TMEM178B: variants seen among roughly 807,000 people sequenced by gnomAD.
TMEM178B encodes transmembrane protein 178B.
Under a neutral mutation model 31.0 loss-of-function variants are expected in TMEM178B, and 5 were observed. That is an observed-to-expected ratio of 0.16 (90% CI 0.08 to 0.34). TMEM178B has a LOEUF of 0.34. Among genes scored for constraint, TMEM178B ranks in the 10% least tolerant of loss-of-function variants. TMEM178B has a pLI of 1.00. For missense variants in TMEM178B, 275 were observed against 400.3 expected (o/e 0.69, Z 2.67); for synonymous variants, 164 against 164.0 (o/e 1.00, Z 0.00).
chr7:141,294,444 G>C (rs931755726), intron 2 of TMEM178B, among the ~76,000 whole-genome samples: 1 of 152,202 alleles, frequency 6.6e-6, no homozygotes, highest in East Asian at 1.9e-4. Context: ...AAGCAGGTCT[G>C]GCTGGACTAT....
At chr7:141,113,121 G>A (rs979524757) in intron 1 of TMEM178B, among the ~76,000 whole-genome samples, 6 of 152,222 alleles carry the variant, frequency 3.9e-5, no homozygotes, top group African/African-American at 7.2e-5. Context: ...AAGGATGAGA[G>A]TGAGAAAACT....
At chr7:141,458,116 G>A (rs1048075565) in intron 3 of TMEM178B, among the ~76,000 whole-genome samples, 3 of 152,106 alleles carry the variant, frequency 2.0e-5, no homozygotes, top group Non-Finnish European at 2.9e-5. Flanking sequence ...ATTACTTTTT[G>A]TTTGTTTGTT....
At chr7:141,330,378 T>C (rs1323468397) in intron 2 of TMEM178B, among the ~76,000 whole-genome samples, 3 of 152,212 alleles carry the variant, frequency 2.0e-5, no homozygotes, top group African/African-American at 7.2e-5. Flanking sequence ...ATATGGTGTT[T>C]GGTTTTCTGT....
At chr7:141,375,321 A>G (rs774263618) in intron 2 of TMEM178B, among the ~76,000 whole-genome samples, 12 of 152,212 alleles carry the variant, frequency 7.9e-5, no homozygotes, top group Non-Finnish European at 1.8e-4. Flanking sequence ...TGTCCCCATC[A>G]TTTCAGGGTC....
intron 1 of TMEM178B, among the ~76,000 whole-genome samples, chr7:141,210,977 T>C (rs1312077634): frequency 6.6e-6 from 1 of 152,150 alleles, no homozygotes; most frequent in Non-Finnish European, 1.5e-5. Context: ...GCAGGATTTA[T>C]GATGTAGACT....
At chr7:141,285,151 TTTC>T (rs1353542532) in intron 2 of TMEM178B, among the ~76,000 whole-genome samples, 6,657 of 105,978 alleles carry the variant, frequency 0.063, 442 homozygotes, top group African/African-American at 0.13. Flanking sequence ...AGGATTCTTG[TTTC>T]TTTTTTTTTT....
intron 2 of TMEM178B, among the ~76,000 whole-genome samples, chr7:141,432,146 C>CTTTTTTTTTTTTTTTTTTTTTTTTTT (rs71170797): frequency 6.3e-5 from 5 of 79,082 alleles, no homozygotes; most frequent in African/African-American, 2.0e-4. Flanking sequence ...TTCACTGCAT[C>CTTTTTTTTTTTTTTTTTTTTTTTTTT]TTTTTTTTTT....
chr7:141,303,273 C>T (rs1798758607), intron 2 of TMEM178B, among the ~76,000 whole-genome samples: 1 of 152,132 alleles, frequency 6.6e-6, no homozygotes, highest in Non-Finnish European at 1.5e-5. Flanking sequence ...GGAATTATCG[C>T]CTGTGTTAGC....
chr7:141,367,514 A>C (rs1800030621), intron 2 of TMEM178B, among the ~76,000 whole-genome samples: 1 of 152,104 alleles, frequency 6.6e-6, no homozygotes. Flanking sequence ...ACCTCATGTG[A>C]TCTGCCTGCC....
intron 2 of TMEM178B, among the ~76,000 whole-genome samples, chr7:141,337,342 A>G (rs1799442620): frequency 6.7e-6 from 1 of 148,582 alleles, no homozygotes; most frequent in South Asian, 2.2e-4. Flanking sequence ...CACCATCACT[A>G]CCACTACCCC....
intron 2 of TMEM178B, among the ~76,000 whole-genome samples, chr7:141,323,370 T>C (rs987788122): frequency 1.1e-4 from 17 of 152,252 alleles, no homozygotes; most frequent in Non-Finnish European, 2.5e-4. Context: ...GATACATACA[T>C]GTTTCAAGCT....
chr7:141,424,723 G>A (rs962244864), intron 2 of TMEM178B, among the ~76,000 whole-genome samples: 5 of 152,158 alleles, frequency 3.3e-5, no homozygotes, highest in African/African-American at 9.7e-5. Context: ...TTTCCCACGT[G>A]GGTAGACATG....
At chr7:141,186,490 C>G (rs1796611974) in intron 1 of TMEM178B, among the ~76,000 whole-genome samples, 1 of 152,186 alleles carries the variant, frequency 6.6e-6, no homozygotes, top group South Asian at 2.1e-4. Flanking sequence ...TTGTCCATCT[C>G]CCTCCTGCCT....
At chr7:141,283,781 C>A (rs1313931912) in intron 2 of TMEM178B, among the ~76,000 whole-genome samples, 1 of 152,132 alleles carries the variant, frequency 6.6e-6, no homozygotes, top group Non-Finnish European at 1.5e-5. Flanking sequence ...AAAACGTTTT[C>A]TCTGGGACCA....
At chr7:141,230,357 C>T (rs927863508) in intron 2 of TMEM178B, among the ~76,000 whole-genome samples, 1 of 152,166 alleles carries the variant, frequency 6.6e-6, no homozygotes, top group African/African-American at 2.4e-5. Flanking sequence ...AAATCCTTTT[C>T]CCCTTAAGAT....
chr7:141,283,705 TC>T (rs1239303621), intron 2 of TMEM178B, among the ~76,000 whole-genome samples: 4 of 152,188 alleles, frequency 2.6e-5, no homozygotes, highest in Admixed American at 1.3e-4. Context: ...TTACCATCTA[TC>T]ACTGGAGTCA....
chr7:141,369,051 T>C (rs1586916596), intron 2 of TMEM178B, among the ~76,000 whole-genome samples: 1 of 151,552 alleles, frequency 6.6e-6, no homozygotes, highest in East Asian at 2.0e-4. Context: ...CCTTTCCCAG[T>C]AGACTTGTCA....
At chr7:141,498,203 G>A in the TMEM178B span, among the ~76,000 whole-genome samples, 1 of 152,164 alleles carries the variant, frequency 6.6e-6, no homozygotes, top group African/African-American at 2.4e-5. Flanking sequence ...ACACCTCATG[G>A]AAACAAGAAC....
At position 141,470,805 on chromosome 7, in the gene TMEM178B, C is replaced by CATATAT; in HGVS notation, c.*27_*32dup. ...GTGCTAAAAAACAAACCCATACATA[C>CATATAT]ATATATATATATAAATATATATATA... On this transcript the variant is annotated 3_prime_UTR_variant, in exon 4 of 4. Transcript: ENST00000565468. The CATATAT allele has an allele frequency of 9.1e-7, 1 of 1,104,430 alleles. No homozygotes were observed. The highest frequency in any genetic ancestry group is 1.1e-6 in the Non-Finnish European group (1 of 880,028). 68.4% of individuals were successfully genotyped at this position (1,104,430 alleles called of 1,614,324 possible).
Sources: gnomAD v4.1 joint callset for allele counts (sites outside exome capture counted in the v4.1 genomes callset) on GRCh38, gnomAD v4.1.1 for gene constraint, MANE v1.5 for transcripts, NCBI Gene and HGNC (gene_info 2026-07-23, HGNC 2026-07-21) for gene names.